The following ATRN variants were observed in gnomAD, a reference collection of about 807,000 sequenced individuals.
ATRN encodes the protein attractin.
In ATRN, 54 loss-of-function variants were observed where a neutral mutation model predicts 178.7. The ratio of observed to expected loss-of-function variants is 0.30; its 90% CI spans 0.24 to 0.38. The LOEUF (loss-of-function observed/expected upper bound fraction) is 0.38, where lower values mean the gene tolerates loss of function less well. Among genes scored for constraint, ATRN ranks in the 10% least tolerant of loss-of-function variants. The probability of loss-of-function intolerance (pLI) is 1.00; values close to 1 mark genes in which losing one functional copy is unlikely to be tolerated. For missense variants in ATRN, 1,443 were observed against 1,815.1 expected (o/e 0.79, Z 3.73); for synonymous variants, 636 against 663.0 (o/e 0.96, Z 0.63).
chr20:3,610,742 CTTTTTTTTTTTTTT>C (rs71195847), intron 24 of ATRN, among the ~76,000 whole-genome samples: 6 of 65,260 alleles, frequency 9.2e-5, no homozygotes, highest in Non-Finnish European at 8.4e-5. Context: ...CTGGCTAATT[CTTTTTTTTTTTTTT>C]TTTTTTTTTT....
intron 18 of ATRN, among the ~76,000 whole-genome samples, chr20:3,588,978 TTTG>T (rs1301680637): frequency 1.6e-4 from 18 of 111,382 alleles, no homozygotes; most frequent in African/African-American, 5.2e-4. Flanking sequence ...AGTATTTTCT[TTTG>T]TTTTTTTTTT....
chr20:3,607,517 T>A (rs2086691660), intron 24 of ATRN, among the ~76,000 whole-genome samples: 1 of 152,226 alleles, frequency 6.6e-6, no homozygotes, highest in Admixed American at 6.5e-5. Context: ...CATAATGACC[T>A]CCAGTTCCAT....
At chr20:3,615,723 T>G (rs1438036618) in intron 24 of ATRN, 1 of 444,742 alleles carries the variant, frequency 2.2e-6, no homozygotes, top group Non-Finnish European at 4.5e-6. Flanking sequence ...GCCCAGCTAA[T>G]TTTTTGTATT....
chr20:3,500,749 G>A (rs2084951438), intron 1 of ATRN, among the ~76,000 whole-genome samples: 1 of 151,408 alleles, frequency 6.6e-6, no homozygotes, highest in Non-Finnish European at 1.5e-5. Flanking sequence ...TGACGAGTTA[G>A]TGGGTGCAGC....
intron 1 of ATRN, among the ~76,000 whole-genome samples, chr20:3,517,877 A>G (rs2085227995): frequency 6.6e-6 from 1 of 151,960 alleles, no homozygotes; most frequent in African/African-American, 2.4e-5. Context: ...GAGTCTTCGT[A>G]GCTTCCCACT....
chr20:3,560,320 G>A (rs966402763), intron 7 of ATRN, among the ~76,000 whole-genome samples: 1 of 152,066 alleles, frequency 6.6e-6, no homozygotes, highest in Non-Finnish European at 1.5e-5. Flanking sequence ...AAAATGACTG[G>A]ATGTCATTCT....
rs917605891 is a variant in ATRN, at chr20:3,559,567, A to G, written c.1203+84A>G. On this transcript the variant is annotated intron_variant, in intron 7 of 28. Coordinates refer to ENST00000262919, the MANE Select transcript of ATRN (RefSeq NM_139321.3). ...TATTACATAGTTGAAAAGCTACCTC[A>G]GTGTTGGTTTTTAATTGGGGAAAAC... The G allele has an allele frequency of 2.6e-6, 3 of 1,154,476 alleles. No homozygotes were observed. In the Admixed American group the frequency reaches 6.0e-5, roughly 23 times the overall value. 71.5% of individuals were successfully genotyped at this position (1,154,476 alleles called of 1,614,324 possible). A position where few individuals can be genotyped will look rare whatever the true frequency, so the allele number is the denominator to read the frequency against.
intron 1 of ATRN, among the ~76,000 whole-genome samples, chr20:3,493,774 G>GT (rs2084840271): frequency 1.3e-5 from 2 of 152,200 alleles, no homozygotes; most frequent in South Asian, 2.1e-4. Context: ...CTTCTGAAAT[G>GT]TTTTTTTCTT....
chr20:3,546,515 T>C (rs2085704860), intron 4 of ATRN, among the ~76,000 whole-genome samples: 1 of 151,040 alleles, frequency 6.6e-6, no homozygotes, highest in African/African-American at 2.4e-5. Context: ...CCTCAGCCTC[T>C]TGAGTAACTG....
chr20:3,558,089 G>A (rs1341589915), intron 6 of ATRN, among the ~76,000 whole-genome samples: 2 of 152,090 alleles, frequency 1.3e-5, no homozygotes, highest in African/African-American at 4.8e-5. Flanking sequence ...AAGTCCCAGA[G>A]ATAACCTGTA....
At chr20:3,547,609 C>A in intron 5 of ATRN, 120 bp downstream of exon 5, 1 of 874,880 alleles carries the variant, frequency 1.1e-6, no homozygotes, top group Non-Finnish European at 1.7e-6. Context: ...TACGAGGTAG[C>A]ATTTAAGCTT....
At chr20:3,631,889 C>CT (rs1272048142) in intron 25 of ATRN, among the ~76,000 whole-genome samples, 2 of 152,180 alleles carry the variant, frequency 1.3e-5, no homozygotes, top group Non-Finnish European at 2.9e-5. Context: ...CCAAGAAAGA[C>CT]TGAGAAGGTT....
chr20:3,624,063 C>A (rs1481684349), intron 24 of ATRN, among the ~76,000 whole-genome samples: 2 of 152,120 alleles, frequency 1.3e-5, no homozygotes, highest in African/African-American at 4.8e-5. Context: ...GTAAAAAGGA[C>A]AATATCTTGC....
At chr20:3,577,027 G>A (rs1224048624) in intron 14 of ATRN, 30 bp downstream of exon 14, 2 of 1,610,560 alleles carry the variant, frequency 1.2e-6, no homozygotes, top group Admixed American at 1.7e-5. Context: ...CTTGGTGTGT[G>A]TGGGTCCATT....
At chr20:3,549,603 C>CTA (rs1373756645) in intron 6 of ATRN, among the ~76,000 whole-genome samples, 1 of 152,092 alleles carries the variant, frequency 6.6e-6, no homozygotes, top group African/African-American at 2.4e-5. Flanking sequence ...GTAGTAAGTT[C>CTA]TATATAAGTA....
chr20:3,499,927 C>T (rs373911785), intron 1 of ATRN, among the ~76,000 whole-genome samples: 1 of 151,096 alleles, frequency 6.6e-6, no homozygotes, highest in Non-Finnish European at 1.5e-5. Context: ...ATTTTTGCAA[C>T]CTACTCATCT....
chr20:3,607,770 A>G (rs1206647334), intron 24 of ATRN, among the ~76,000 whole-genome samples: 1 of 151,950 alleles, frequency 6.6e-6, no homozygotes, highest in Non-Finnish European at 1.5e-5. Context: ...CATGTGGTGG[A>G]TCTATTATGA....
intron 1 of ATRN, among the ~76,000 whole-genome samples, chr20:3,492,690 C>T (rs2084811817): frequency 6.6e-6 from 1 of 151,924 alleles, no homozygotes. Context: ...ACGTTTTGCG[C>T]ATGGGAGAAG....
chr20:3,572,960 T>G lies in ATRN; in HGVS notation c.2092+9T>G. 6.2e-7 allele frequency: 1 copy of G among 1,609,510 alleles called. No homozygotes were observed. Among genetic ancestry groups the G allele is most frequent in the South Asian group, 1.1e-5 (1 of 90,796 alleles). On this transcript the variant is annotated intron_variant, in intron 12 of 28. Transcript: ENST00000262919. ...ATGTTTTTCCAAAAGAAGTATGTTT[T>G]TTTTTCTCTACTTAGATTTTAATGA...
Sources: gnomAD v4.1 joint callset for allele counts (sites outside exome capture counted in the v4.1 genomes callset) on GRCh38, gnomAD v4.1.1 for gene constraint, MANE v1.5 for transcripts, NCBI Gene and HGNC (gene_info 2026-07-23, HGNC 2026-07-21) for gene names.